EML6: variants seen among roughly 807,000 people sequenced by gnomAD.
EML6 encodes the protein EMAP like 6, also known as echinoderm microtubule-associated protein-like 6.
In EML6, 154 loss-of-function variants were observed where a neutral mutation model predicts 240.1. The observed-to-expected ratio is 0.64, with a 90% CI of 0.56 to 0.73. The LOEUF is 0.73. EML6 is among the 30% of genes least tolerant of loss of function. The probability of loss-of-function intolerance (pLI) is 0.00; values close to 1 mark genes in which losing one functional copy is unlikely to be tolerated. For missense variants in EML6, 2,964 were observed against 2,474.6 expected, an observed-to-expected ratio of 1.20 and a Z score of -4.20; for synonymous variants, 1,148 against 899.0, an observed-to-expected ratio of 1.28 and a Z score of -4.95.
At chr2:54,826,178 C>A (rs559204912) in intron 5 of EML6, among the ~76,000 whole-genome samples, 1 of 152,308 alleles carries the variant, frequency 6.6e-6, no homozygotes, top group East Asian at 1.9e-4. Flanking sequence ...TGAGCTACTT[C>A]TGTTTGCTTT....
At chr2:54,913,071 GTTTT>G (rs1216432893) in intron 25 of EML6, among the ~76,000 whole-genome samples, 1 of 125,730 alleles carries the variant, frequency 8.0e-6, no homozygotes, top group Non-Finnish European at 1.6e-5. Context: ...GCCAGATTCT[GTTTT>G]TTTTTTTTTT....
At chr2:54,886,652 T>A (rs1253106073) in intron 17 of EML6, among the ~76,000 whole-genome samples, 1 of 152,212 alleles carries the variant, frequency 6.6e-6, no homozygotes, top group Non-Finnish European at 1.5e-5. Flanking sequence ...CTCATCAGTG[T>A]GAAGTGGTAT....
chr2:54,794,145 A>T (rs1156433279), intron 2 of EML6, among the ~76,000 whole-genome samples: 2 of 152,142 alleles, frequency 1.3e-5, no homozygotes, highest in Non-Finnish European at 2.9e-5. Flanking sequence ...CATTTCGGAC[A>T]AATATAAAGG....
intron 28 of EML6, among the ~76,000 whole-genome samples, chr2:54,937,744 G>A (rs1675221856): frequency 6.6e-6 from 1 of 152,068 alleles, no homozygotes; most frequent in Non-Finnish European, 1.5e-5. Flanking sequence ...TACCTGGGTA[G>A]ATGACATGTA....
rs766137395 is a variant in EML6, at chr2:54,850,209, A to C, written c.1435A>C (p.Arg479=). ...CGGTGCAGGAGAACGATTGTTCTAC[A>C]GAATGCCATGTAAGTCATGTGGAGG... ...NDGAGERLFY[R]MPSGKPLTSK... is the part of the protein sequence containing the mutation. Residue 479 remains arginine, a synonymous_variant, in exon 10 of 42, where the codon AGA becomes CGA. Coordinates refer to ENST00000356458, the MANE Select transcript of EML6 (RefSeq NM_001039753.4). 6.4e-7 allele frequency: 1 copy of C among 1,551,224 alleles called. No homozygotes were observed. Among genetic ancestry groups the C allele is most frequent in the African/African-American group, 1.4e-5 (1 of 73,058 alleles).
chr2:54,836,758 AATT>A (rs1289784049), intron 7 of EML6, among the ~76,000 whole-genome samples: 2 of 152,068 alleles, frequency 1.3e-5, no homozygotes, highest in South Asian at 2.1e-4. Context: ...ACTTGCTTGG[AATT>A]CCTAATCGTT....
intron 2 of EML6, among the ~76,000 whole-genome samples, chr2:54,729,771 T>C (rs1042555565): frequency 2.0e-5 from 3 of 152,264 alleles, no homozygotes; most frequent in African/African-American, 7.2e-5. Context: ...TGTTGGTCTA[T>C]AAACCGTTTG....
At chr2:54,856,094 G>A (rs141084857) in intron 11 of EML6, among the ~76,000 whole-genome samples, 44 of 152,320 alleles carry the variant, frequency 2.9e-4, no homozygotes, top group African/African-American at 9.1e-4. Context: ...GTAATTAGAC[G>A]TAAGTGTTCT....
rs10683746 is a variant in EML6, at chr2:54,793,385, C to CTTTT, written c.198-19832_198-19829dup. Among the ~76,000 whole-genome samples, 609 of 121,660 alleles carry CTTTT rather than the reference C, an allele frequency of 5.0e-3. 9 individuals carry two copies. The highest frequency in any genetic ancestry group is 0.019 in the Middle Eastern group (4 of 210). 79.8% of individuals were successfully genotyped at this position (121,660 alleles called of 152,430 possible). A position where few individuals can be genotyped will look rare whatever the true frequency, so the allele number is the denominator to read the frequency against. Reference sequence around the variant, plus strand: ...TATAAGGTAAATATGTATGAGTAGGCTTTTTTTTTTTTTTTTTTGGGTCCC... The same window carrying CTTTT: ...TATAAGGTAAATATGTATGAGTAGGCTTTTTTTTTTTTTTTTTTTTTTGGGTCCC... On this transcript the variant is annotated intron_variant, in intron 2 of 41. Transcript: ENST00000356458.
chr2:54,958,560 G>T (rs1676344947), intron 33 of EML6, among the ~76,000 whole-genome samples: 1 of 152,008 alleles, frequency 6.6e-6, no homozygotes, highest in Non-Finnish European at 1.5e-5. Flanking sequence ...GAGGTTTGTT[G>T]TTCTAAAGGC....
At chr2:54,813,888 T>C (rs2104055016) in intron 3 of EML6, among the ~76,000 whole-genome samples, 1 of 152,354 alleles carries the variant, frequency 6.6e-6, no homozygotes, top group South Asian at 2.1e-4. Context: ...ATTCAGTCTA[T>C]CATCAATTCC....
At position 54,895,339 on chromosome 2, in the gene EML6, G is replaced by T; in HGVS notation, c.2921G>T (p.Gly974Val). ...TTGGGACATGGACATATCCTGGTGG[G>T]AACAAAAAATGGAGAGATTCTGGAA... The part of the protein sequence containing the change: ...ITLGHGHILV[G>V]TKNGEILEID... Residue 974 changes from glycine (G) to valine (V), a missense_variant, in exon 21 of 42, where the codon GGA becomes GTA. Transcript: ENST00000356458. 6.4e-7 allele frequency: 1 copy of T among 1,551,798 alleles called. No homozygotes were observed.
chr2:54,890,917 C>G (rs755302311), intron 17 of EML6, 137 bp from the exon 18 acceptor site: 9 of 454,874 alleles, frequency 2.0e-5, no homozygotes, highest in Non-Finnish European at 3.5e-5. Flanking sequence ...ATGTAGATGC[C>G]CGTGTGGATT....
intron 11 of EML6, among the ~76,000 whole-genome samples, chr2:54,854,685 T>G (rs1249552249): frequency 1.3e-5 from 2 of 152,230 alleles, no homozygotes; most frequent in Non-Finnish European, 2.9e-5. Context: ...AACTGGCAGT[T>G]TTGAAGCAGT....
At chr2:54,910,267 T>C (rs536698607) in intron 24 of EML6, among the ~76,000 whole-genome samples, 1 of 152,384 alleles carries the variant, frequency 6.6e-6, no homozygotes, top group Non-Finnish European at 1.5e-5. Flanking sequence ...TTGAGTCATT[T>C]ACATTTTAAG....
intron 2 of EML6, among the ~76,000 whole-genome samples, chr2:54,781,198 T>A (rs570572031): frequency 6.6e-6 from 1 of 152,356 alleles, no homozygotes; most frequent in South Asian, 2.1e-4. Flanking sequence ...GTCAGTATCT[T>A]GCCCAGGGAC....
chr2:54,921,349 T>G (rs1337776273), intron 26 of EML6, among the ~76,000 whole-genome samples: 1 of 152,090 alleles, frequency 6.6e-6, no homozygotes, highest in East Asian at 1.9e-4. Context: ...AAATAAAATG[T>G]TTAGGAATAA....
At chr2:54,870,633 G>A (rs1411098531) in intron 15 of EML6, among the ~76,000 whole-genome samples, 5 of 152,098 alleles carry the variant, frequency 3.3e-5, no homozygotes, top group Non-Finnish European at 7.4e-5. Flanking sequence ...CTTATAAACA[G>A]ATGGTGCTTG....
rs138976564 is a variant in EML6, at chr2:54,853,985, T to C, written c.1657+130T>C. 44 of 517,694 alleles carry C rather than the reference T, an allele frequency of 8.5e-5. No individual in the cohort carries two copies. The East Asian group carries it at 1.5e-3, about 17-fold the overall frequency. 32.1% of individuals were successfully genotyped at this position (517,694 alleles called of 1,614,324 possible). The stretch of plus-strand genomic sequence containing the variant: ...TTATCTTGTATATTCTTATTTACTT[T>C]TCAACAATTTTAAATAGAATGTGTT... On this transcript the variant is annotated intron_variant, in intron 11 of 41. Transcript: ENST00000356458.
Sources: gnomAD v4.1 joint callset for allele counts (sites outside exome capture counted in the v4.1 genomes callset) on GRCh38, gnomAD v4.1.1 for gene constraint, MANE v1.5 for transcripts, NCBI Gene and HGNC (gene_info 2026-07-23, HGNC 2026-07-21) for gene names.